OTOP1: variants seen among roughly 807,000 people sequenced by gnomAD.
The protein encoded by OTOP1 is otopetrin 1, also known as proton channel OTOP1.
OTOP1 carries 59 observed loss-of-function variants against 52.9 expected under a neutral mutation model. The ratio of observed to expected loss-of-function variants is 1.12; its 90% CI spans 0.91 to 1.39. OTOP1 has a LOEUF of 1.39. Among genes scored for constraint, OTOP1 ranks in the 40% most tolerant of loss-of-function variants. The pLI, the probability that OTOP1 is intolerant of heterozygous loss-of-function variation, is 0.00. For synonymous variants in OTOP1, 317 were observed against 337.7 expected (o/e 0.94, Z 0.67); for missense variants, 761 against 800.9 (o/e 0.95, Z 0.60).
rs374259979 is a variant in OTOP1, at chr4:4,197,535, G to A, written c.1299C>T (p.Ile433=). 4.8e-5 allele frequency: 77 copies of A among 1,613,952 alleles called. No homozygotes were observed. Among genetic ancestry groups the A allele is most frequent in the Non-Finnish European group, 6.4e-5 (76 of 1,180,020 alleles). ...WYNLPYSILA[I]VEKYIQNLFI... is the part of the protein sequence containing the mutation. ...AGAGGTTCTGGATGTACTTCTCCACGATCGCCAGGATGGAGTAGGGCAGGT... is the reference window on the plus strand; with the variant it reads ...AGAGGTTCTGGATGTACTTCTCCACAATCGCCAGGATGGAGTAGGGCAGGT... The change falls in exon 5 of 6, where the codon ATC becomes ATT. Residue 433 remains isoleucine (I), a synonymous_variant. Transcript: ENST00000296358.
intron 5 of OTOP1, among the ~76,000 whole-genome samples, chr4:4,194,766 G>C (rs2980121): frequency 6.6e-6 from 1 of 152,086 alleles, no homozygotes; most frequent in Non-Finnish European, 1.5e-5. Flanking sequence ...CTGTGGACTG[G>C]GGCACTCCCC....
chr4:4,195,943 T>C (rs1482640135), intron 5 of OTOP1, among the ~76,000 whole-genome samples: 5 of 152,240 alleles, frequency 3.3e-5, no homozygotes, highest in Admixed American at 3.3e-4. Flanking sequence ...TAATCTTTAG[T>C]ACCCTGCCCA....
chr4:4,226,803 C>A lies in OTOP1; in HGVS notation c.62G>T (p.Gly21Val). The A allele has an allele frequency of 7.3e-7, 1 of 1,365,884 alleles. No individual in the cohort carries two copies. The allele number at this position is 1,365,884 out of a possible 1,614,324, so 84.6% of individuals were successfully genotyped here. A position where few individuals can be genotyped will look rare whatever the true frequency, so the allele number is the denominator to read the frequency against. The change falls in exon 1 of 6, where the codon GGG (glycine) becomes GTG (valine). Residue 21 changes from glycine (G) to valine (V), a missense_variant. Physicochemically the swap from Gly to Val is moderately radical, Grantham distance 109. Transcript: ENST00000296358. ...PRAAASASVAGSSGPAACSPP... is the reference protein window; with the variant it reads ...PRAAASASVAVSSGPAACSPP... ...CGAGCAGGCCGCTGGCCCCGACGAC[C>A]CTGCGACCGAGGCGCTTGCAGCTGC...
Position 4,206,056 on chromosome 4 carries a change from T to C in OTOP1, c.599+16A>G. 1 of 1,587,678 alleles carries C rather than the reference T, an allele frequency of 6.3e-7. No homozygotes were observed. Among genetic ancestry groups the C allele is most frequent in the Non-Finnish European group, 8.6e-7 (1 of 1,157,254 alleles). On this transcript the variant is annotated intron_variant, in intron 3 of 5. Coordinates refer to ENST00000296358, the MANE Select transcript of OTOP1 (RefSeq NM_177998.3). ...TGCCAAATTCAACATATAAAGCAAT[T>C]ACCCACAATTTTTACCTTTCCAGTG...
intron 5 of OTOP1, among the ~76,000 whole-genome samples, chr4:4,196,953 G>A (rs1232090012): frequency 1.3e-5 from 2 of 151,998 alleles, no homozygotes; most frequent in African/African-American, 2.4e-5. Flanking sequence ...ACACTACCAG[G>A]GACTACTAGG....
At chr4:4,221,043 C>CTATTTTATTTTATTTTATTTTATTT (rs144687423) in intron 1 of OTOP1, among the ~76,000 whole-genome samples, 99 of 129,472 alleles carry the variant, frequency 7.6e-4, no homozygotes, top group Middle Eastern at 3.8e-3. Flanking sequence ...TTATTTTATT[C>CTATTTTATTTTATTTTATTTTATTT]TATTTTATTT....
intron 2 of OTOP1, among the ~76,000 whole-genome samples, chr4:4,207,832 G>C (rs1716939408): frequency 6.6e-6 from 1 of 152,150 alleles, no homozygotes; most frequent in Admixed American, 6.5e-5. Context: ...TGGGAGACAG[G>C]TCTGTGCCTT....
chr4:4,209,334 A>G lies in OTOP1; in HGVS notation c.541-3204T>C, dbSNP rs565125439. Among the ~76,000 whole-genome samples, 7 of 152,254 alleles carry G rather than the reference A, an allele frequency of 4.6e-5. No individual in the cohort carries two copies. In the South Asian group the frequency reaches 1.5e-3, roughly 32 times the overall value. ...CTAATTGTTATATATATATACACAT[A>G]TATATACTTTTTTCCATTCTCCAGT... On this transcript the variant is annotated intron_variant, in intron 2 of 5. Coordinates refer to ENST00000296358, the MANE Select transcript of OTOP1 (RefSeq NM_177998.3).
At chr4:4,205,954 A>T in intron 3 of OTOP1, 118 bp downstream of exon 3, 1 of 861,112 alleles carries the variant, frequency 1.2e-6, no homozygotes, top group Non-Finnish European at 1.8e-6. Flanking sequence ...CTTAGCTTTC[A>T]GGACTGAGGG....
intron 5 of OTOP1, among the ~76,000 whole-genome samples, chr4:4,190,867 C>T (rs1354715274): frequency 6.6e-6 from 1 of 152,112 alleles, no homozygotes; most frequent in Non-Finnish European, 1.5e-5. Context: ...TAATGTTGGC[C>T]AGCGTCCAGG....
At chr4:4,191,868 T>A (rs951997877) in intron 5 of OTOP1, among the ~76,000 whole-genome samples, 3 of 151,944 alleles carry the variant, frequency 2.0e-5, no homozygotes, top group Admixed American at 1.3e-4. Context: ...TCCCTGAACC[T>A]CTGTAGGTAC....
At chr4:4,226,111 C>T (rs1324406671) in intron 1 of OTOP1, among the ~76,000 whole-genome samples, 1 of 152,154 alleles carries the variant, frequency 6.6e-6, no homozygotes, top group Non-Finnish European at 1.5e-5. Context: ...CCCTCGGGGG[C>T]CGAGTGCTAG....
chr4:4,204,898 G>A (rs1375854428), intron 3 of OTOP1, among the ~76,000 whole-genome samples: 1 of 152,066 alleles, frequency 6.6e-6, no homozygotes, highest in Admixed American at 6.5e-5. Context: ...AGCCTCCGGA[G>A]TAGCTGGGAC....
chr4:4,196,314 G>C lies in OTOP1; in HGVS notation c.1668+852C>G, dbSNP rs186240189. Among the ~76,000 whole-genome samples, 10 of 152,284 alleles carry C rather than the reference G, an allele frequency of 6.6e-5. No homozygotes were observed. The East Asian group carries it at 1.9e-3, about 29-fold the overall frequency. ...CACCTGTAATCCTAGCATTTTGGGAGGCCAAGGTAGGTGGATCACTTGAGG... is the reference window on the plus strand; with the variant it reads ...CACCTGTAATCCTAGCATTTTGGGACGCCAAGGTAGGTGGATCACTTGAGG... On this transcript the variant is annotated intron_variant, in intron 5 of 5. Coordinates refer to ENST00000296358, the MANE Select transcript of OTOP1 (RefSeq NM_177998.3).
chr4:4,189,254 C>T (rs1716451380), intron 5 of OTOP1, among the ~76,000 whole-genome samples: 1 of 152,230 alleles, frequency 6.6e-6, no homozygotes, highest in Non-Finnish European at 1.5e-5. Context: ...CCCTACAGCC[C>T]TCGCCCAGCC....
chr4:4,188,839 T>C lies in OTOP1; in HGVS notation c.1803A>G (p.Ala601=). The C allele has an allele frequency of 6.2e-7, 1 of 1,613,898 alleles. No homozygotes were observed. The highest frequency in any genetic ancestry group is 1.1e-5 in the South Asian group (1 of 91,054). Residue 601 remains alanine (A), a synonymous_variant, in exon 6 of 6, where the codon GCA becomes GCG. Transcript: ENST00000296358. Reference sequence around the variant, plus strand: ...AATAGACCTCAAAGAGGGAGGCAGCTGCGTGCATTCGATAGAAAATAGAAA... The same window carrying C: ...AATAGACCTCAAAGAGGGAGGCAGCCGCGTGCATTCGATAGAAAATAGAAA... The part of the protein sequence containing the change: ...MPFSIFYRMH[A]AASLFEVYCK...
chr4:4,201,469 TATAC>T lies in OTOP1; in HGVS notation c.730+975_730+978del, dbSNP rs1158887860. ...TAGAATAAATAAATAAATATATATA[TATAC>T]ACACACACACACACACACACACACA... On this transcript the variant is annotated intron_variant, in intron 4 of 5. Coordinates refer to ENST00000296358, the MANE Select transcript of OTOP1 (RefSeq NM_177998.3). Among the ~76,000 whole-genome samples, 272 of 137,756 alleles carry T rather than the reference TATAC, an allele frequency of 2.0e-3. 1 individual carries two copies. The highest frequency in any genetic ancestry group is 3.4e-3 in the Non-Finnish European group (216 of 63,648). The allele number at this position is 137,756 out of a possible 152,430, so 90.4% of individuals were successfully genotyped here.
chr4:4,197,383 A>G lies in OTOP1; in HGVS notation c.1451T>C (p.Val484Ala). ...LASSCPKSGGVARDVAPQGKD... is the reference protein window; with the variant it reads ...LASSCPKSGGAARDVAPQGKD... ...GCCCTGGGGAGCCACATCTCTGGCC[A>G]CACCTCCACTCTTGGGGCAGGAAGA... The change falls in exon 5 of 6, where the codon GTG (valine) becomes GCG (alanine). Residue 484 changes from valine to alanine, a missense_variant. Transcript: ENST00000296358. 1 of 1,613,832 alleles carries G rather than the reference A, an allele frequency of 6.2e-7. No individual in the cohort carries two copies. The highest frequency in any genetic ancestry group is 8.5e-7 in the Non-Finnish European group (1 of 1,180,014).
At chr4:4,213,798 A>G (rs1240520523) in intron 1 of OTOP1, among the ~76,000 whole-genome samples, 1 of 152,134 alleles carries the variant, frequency 6.6e-6, no homozygotes, top group Non-Finnish European at 1.5e-5. Context: ...CTTATATATT[A>G]ACAACAATGG....
Sources: gnomAD v4.1 joint callset for allele counts (sites outside exome capture counted in the v4.1 genomes callset) on GRCh38, gnomAD v4.1.1 for gene constraint, MANE v1.5 for transcripts, NCBI Gene and HGNC (gene_info 2026-07-23, HGNC 2026-07-21) for gene names.